ARHGEF18: variants seen among roughly 807,000 people sequenced by gnomAD.
The protein encoded by ARHGEF18 is Rho/Rac guanine nucleotide exchange factor 18.
In ARHGEF18, 93 loss-of-function variants were observed where a neutral mutation model predicts 155.7. That is an observed-to-expected ratio of 0.60 (90% CI 0.50 to 0.71). ARHGEF18 has a LOEUF of 0.71. Among genes scored for constraint, ARHGEF18 ranks in the 30% least tolerant of loss-of-function variants. The pLI is 0.00. For missense variants in ARHGEF18, 1,593 were observed against 1,816.1 expected, an observed-to-expected ratio of 0.88 and a Z score of 2.23; for synonymous variants, 742 against 753.1, an observed-to-expected ratio of 0.99 and a Z score of 0.24.
At position 7,419,089 on chromosome 19, in the gene ARHGEF18, T is replaced by A. The variant is rs149565227; in HGVS notation, c.968-21255T>A. Among the ~76,000 whole-genome samples the A allele has an allele frequency of 4.1e-4, 37 of 89,834 alleles. 2 individuals carry two copies. The highest frequency in any genetic ancestry group is 1.4e-3 in the African/African-American group (26 of 18,580). 58.9% of individuals were successfully genotyped at this position (89,834 alleles called of 152,430 possible). A position where few individuals can be genotyped will look rare whatever the true frequency, so the allele number is the denominator to read the frequency against. On this transcript the variant is annotated intron_variant, in intron 10 of 28. Transcript: ENST00000668164. Reference sequence around the variant, plus strand: ...GTACCCACACTCGGCCTCTGTACCCTGATGTACCCACACTTGGCCTCTGTA... The same window carrying A: ...GTACCCACACTCGGCCTCTGTACCCAGATGTACCCACACTTGGCCTCTGTA...
intron 10 of ARHGEF18, among the ~76,000 whole-genome samples, chr19:7,403,561 T>G (rs570927397): frequency 0.067 from 10,038 of 150,134 alleles, 1,139 homozygotes; most frequent in African/African-American, 0.23. Flanking sequence ...TTCTTTTTTT[T>G]TTTTTTGAGA....
In ARHGEF18 at chr19:7,471,722, T is replaced by G. The variant is rs1341423621; in HGVS notation, c.*1424T>G. ...GAGGGGAAACTCCATCAGGAAGTGC[T>G]CCCCTGGGCAGAGGCGCCCACTGGG... On this transcript the variant is annotated 3_prime_UTR_variant, in exon 29 of 29. Transcript: ENST00000668164. The surrounding 1 kb of genome is among the most constrained non-coding windows in gnomAD (Gnocchi z 4.4). 2 of 152,094 alleles carry G rather than the reference T, an allele frequency of 1.3e-5. No homozygotes were observed. The highest frequency in any genetic ancestry group is 2.9e-5 in the Non-Finnish European group (2 of 68,042). The allele number at this position is 152,094 out of a possible 1,614,324, so 9.4% of individuals were successfully genotyped here.
At position 7,464,684 on chromosome 19, in the gene ARHGEF18, G is replaced by A. The variant is rs766640840; in HGVS notation, c.2898G>A (p.Pro966=). Residue 966 remains proline (P), a synonymous_variant, in exon 23 of 29, where the codon CCG becomes CCA. Coordinates refer to ENST00000668164, the MANE Select transcript of ARHGEF18 (RefSeq NM_001367823.1). ...SDIPGSSEES[P]QVVEAPGTES... ...TTCCTGGGAGCTCTGAGGAATCGCC[G>A]CAGGTGGTACGTGGATATCCATTTG... 2.7e-5 allele frequency: 43 copies of A among 1,613,956 alleles called. No homozygotes were observed. Among genetic ancestry groups the A allele is most frequent in the East Asian group, 4.5e-5 (2 of 44,874 alleles).
At chr19:7,390,331 A>AC (rs1227969273) in intron 10 of ARHGEF18, among the ~76,000 whole-genome samples, 2 of 151,784 alleles carry the variant, frequency 1.3e-5, no homozygotes, top group East Asian at 3.9e-4. Flanking sequence ...ACATGGTAAG[A>AC]CCCCATCTCC....
At chr19:7,416,346 C>T (rs912879184) in intron 10 of ARHGEF18, among the ~76,000 whole-genome samples, 1 of 151,982 alleles carries the variant, frequency 6.6e-6, no homozygotes, top group Non-Finnish European at 1.5e-5. Flanking sequence ...CCCAGGAGTT[C>T]GAGGCTGCAG....
intron 10 of ARHGEF18, among the ~76,000 whole-genome samples, chr19:7,400,141 A>C (rs1175164058): frequency 6.6e-6 from 1 of 152,174 alleles, no homozygotes; most frequent in Non-Finnish European, 1.5e-5. Context: ...GTACACGTTT[A>C]ACACATTGTG....
intron 3 of ARHGEF18, among the ~76,000 whole-genome samples, chr19:7,374,443 A>G (rs1197807418): frequency 2.0e-5 from 3 of 151,748 alleles, no homozygotes; most frequent in Non-Finnish European, 2.9e-5. Flanking sequence ...TTGGGAGGCC[A>G]AGGCGGGTGG....
chr19:7,380,350 G>A (rs1437448040), intron 7 of ARHGEF18, among the ~76,000 whole-genome samples: 1 of 151,852 alleles, frequency 6.6e-6, no homozygotes, highest in South Asian at 2.1e-4. Context: ...ATGGTGGCAG[G>A]CGCCTGTAGT....
At chr19:7,375,342 GAAAA>G (rs1970395581) in intron 3 of ARHGEF18, among the ~76,000 whole-genome samples, 1 of 110,080 alleles carries the variant, frequency 9.1e-6, no homozygotes. Context: ...AAGGAAGAAA[GAAAA>G]AGAAAGAAAA....
rs1259701352 is a variant in ARHGEF18 at position 7,376,738 on chromosome 19, GC to G, written c.525del (p.Thr176LeufsTer26). The G allele has an allele frequency of 2.4e-6, 3 of 1,234,304 alleles. No homozygotes were observed. The highest frequency in any genetic ancestry group is 3.0e-6 in the Non-Finnish European group (3 of 988,210). 76.5% of individuals were successfully genotyped at this position (1,234,304 alleles called of 1,614,324 possible). A position where few individuals can be genotyped will look rare whatever the true frequency, so the allele number is the denominator to read the frequency against. On this transcript the variant is annotated frameshift_variant, in exon 5 of 29. Coordinates refer to ENST00000668164, the MANE Select transcript of ARHGEF18 (RefSeq NM_001367823.1). LOFTEE classifies it high-confidence loss of function. ...CGGAAATCTCTCCGGGTTTGGAAGT[GC>G]CCACTCCACCTGTTCAAGGTAGCCA... ...SPEISPGLEV[P>X]TPPVQGLEPP... is the part of the protein sequence containing the mutation.
At chr19:7,415,273 C>T (rs911876657) in intron 10 of ARHGEF18, among the ~76,000 whole-genome samples, 1 of 152,102 alleles carries the variant, frequency 6.6e-6, no homozygotes, top group African/African-American at 2.4e-5. Flanking sequence ...CAAATGTCCA[C>T]CCCTTGCTTA....
At position 7,444,139 on chromosome 19, in the gene ARHGEF18, C is replaced by T. The variant is rs1398523505; in HGVS notation, c.1361-65C>T. The stretch of plus-strand genomic sequence containing the variant: ...TTCAGCACGTGAAGGGCAGGCAGCA[C>T]CCACGACTGCCCAGCGGGGCCGTGG... On this transcript the variant is annotated intron_variant, in intron 13 of 28. Transcript: ENST00000668164. The surrounding 1 kb of genome is among the most constrained non-coding windows in gnomAD (Gnocchi z 4.7). 6.3e-7 allele frequency: 1 copy of T among 1,582,628 alleles called. No individual in the cohort carries two copies. The highest frequency in any genetic ancestry group is 1.3e-5 in the African/African-American group (1 of 74,436).
At chr19:7,417,208 T>C (rs989486015) in intron 10 of ARHGEF18, among the ~76,000 whole-genome samples, 1 of 151,682 alleles carries the variant, frequency 6.6e-6, no homozygotes, top group African/African-American at 2.4e-5. Context: ...CCACTACACC[T>C]GGCCTGGATG....
At chr19:7,434,617 G>A (rs554845354) in intron 10 of ARHGEF18, among the ~76,000 whole-genome samples, 12 of 152,272 alleles carry the variant, frequency 7.9e-5, no homozygotes, top group African/African-American at 2.6e-4. Flanking sequence ...TGAACCCCAA[G>A]CACCATGGCC....
At chr19:7,416,155 T>C (rs2145647187) in intron 10 of ARHGEF18, among the ~76,000 whole-genome samples, 1 of 152,246 alleles carries the variant, frequency 6.6e-6, no homozygotes, top group South Asian at 2.1e-4. Context: ...CTCAGCACAC[T>C]GGGAGGCCTA....
intron 10 of ARHGEF18, among the ~76,000 whole-genome samples, chr19:7,411,482 T>C (rs1972683666): frequency 6.6e-6 from 1 of 152,090 alleles, no homozygotes; most frequent in African/African-American, 2.4e-5. Flanking sequence ...AAGTTTTGTA[T>C]TTTTAGTAGA....
At position 7,458,685 on chromosome 19, in the gene ARHGEF18, G is replaced by A. The variant is rs1976005422; in HGVS notation, c.2355G>A (p.Val785=). ...GGATGGCCCACATCCAAAGGGCTGT[G>A]GAGAGGTGAGGAGGGCCTGGGGGTC... is the stretch of plus-strand genomic sequence containing the variant. ...NAWMAHIQRA[V]ESCPDEEEGP... The change falls in exon 19 of 29, where the codon GTG becomes GTA. Residue 785 remains valine (V), a synonymous_variant. Transcript: ENST00000668164. 1 of 1,609,032 alleles carries A rather than the reference G, an allele frequency of 6.2e-7. No individual in the cohort carries two copies. Among genetic ancestry groups the A allele is most frequent in the Non-Finnish European group, 8.5e-7 (1 of 1,176,476 alleles).
chr19:7,427,602 G>A (rs1483337836), intron 10 of ARHGEF18, among the ~76,000 whole-genome samples: 4 of 149,898 alleles, frequency 2.7e-5, no homozygotes, highest in African/African-American at 4.9e-5. Context: ...CTATGATCAC[G>A]CCACTGCACT....
Position 7,470,670 on chromosome 19 carries a change from A to C in ARHGEF18, c.*372A>C. 2.5e-6 allele frequency: 1 copy of C among 398,340 alleles called. No homozygotes were observed. Among genetic ancestry groups the C allele is most frequent in the East Asian group, 3.6e-5 (1 of 27,952 alleles). The allele number at this position is 398,340 out of a possible 1,614,324, so 24.7% of individuals were successfully genotyped here. A position where few individuals can be genotyped will look rare whatever the true frequency, so the allele number is the denominator to read the frequency against. On this transcript the variant is annotated 3_prime_UTR_variant, in exon 29 of 29. Transcript: ENST00000668164. The surrounding 1 kb of genome is among the most constrained non-coding windows in gnomAD (Gnocchi z 5.9). ...CAGTGAGGAACGGTGCCGGCTCTGCACGGAGCTGAGGACAGGACAGACCTT... is the reference window on the plus strand; with the variant it reads ...CAGTGAGGAACGGTGCCGGCTCTGCCCGGAGCTGAGGACAGGACAGACCTT...
Sources: gnomAD v4.1 joint callset for allele counts (sites outside exome capture counted in the v4.1 genomes callset) on GRCh38, gnomAD v4.1.1 for gene constraint, Gnocchi (gnomAD v3.1) non-coding constraint, MANE v1.5 for transcripts, NCBI Gene and HGNC (gene_info 2026-07-23, HGNC 2026-07-21) for gene names.